Variants in PDE11A observed in about 807,000 individuals in gnomAD.
The protein encoded by PDE11A is dual 3',5'-cyclic-AMP and -GMP phosphodiesterase 11A.
A neutral mutation model predicts 100.5 loss-of-function variants in PDE11A; 100 were observed. The ratio of observed to expected loss-of-function variants is 1.00; its 90% confidence interval spans 0.85 to 1.18. The LOEUF (loss-of-function observed/expected upper bound fraction) is 1.18, where lower values mean the gene tolerates loss of function less well. PDE11A is among the 50% of genes most tolerant of loss of function. The probability of loss-of-function intolerance (pLI) is 0.00; values close to 1 mark genes in which losing one functional copy is unlikely to be tolerated. For missense variants in PDE11A, 1,141 were observed against 1,152.6 expected (o/e 0.99, Z 0.15); for synonymous variants, 381 against 420.8 (o/e 0.91, Z 1.16).
intron 2 of PDE11A, among the ~76,000 whole-genome samples, chr2:177,954,489 G>T (rs1480248726): frequency 6.6e-6 from 1 of 152,172 alleles, no homozygotes; most frequent in Non-Finnish European, 1.5e-5. Context: ...AATAGTTCTT[G>T]AAGTCAGTTC....
chr2:177,981,191 C>A (rs979934024), intron 2 of PDE11A, among the ~76,000 whole-genome samples: 1 of 150,528 alleles, frequency 6.6e-6, no homozygotes, highest in African/African-American at 2.4e-5. Context: ...GTAAATAAGA[C>A]AATTTTTGTC....
intron 19 of PDE11A, among the ~76,000 whole-genome samples, chr2:177,641,646 G>A (rs1300608794): frequency 1.3e-5 from 2 of 152,142 alleles, no homozygotes; most frequent in East Asian, 1.9e-4. Flanking sequence ...TTAAGATAAT[G>A]TATTAACTAC....
chr2:177,737,580 G>A lies in PDE11A; in HGVS notation c.1789-9408C>T, dbSNP rs138473174. ...CACGCCACTGCACTCCAGCCTGGGC[G>A]ACTCTGTCTCAAAAAAAAAAAGCCA... On this transcript the variant is annotated intron_variant, in intron 10 of 19. Coordinates refer to ENST00000286063, the MANE Select transcript of PDE11A (RefSeq NM_016953.4). Among the ~76,000 whole-genome samples the A allele has an allele frequency of 8.8e-3, 906 of 102,688 alleles. 10 individuals are homozygous for A. Among genetic ancestry groups the A allele is most frequent in the Middle Eastern group, 0.027 (6 of 224 alleles). 67.4% of individuals were successfully genotyped at this position (102,688 alleles called of 152,430 possible). A position where few individuals can be genotyped will look rare whatever the true frequency, so the allele number is the denominator to read the frequency against.
chr2:177,927,628 T>C (rs779159127), intron 2 of PDE11A, among the ~76,000 whole-genome samples: 3 of 152,192 alleles, frequency 2.0e-5, no homozygotes, highest in African/African-American at 4.8e-5. Flanking sequence ...TATCAAATCA[T>C]TGGTAAAATG....
chr2:177,663,623 T>TAAAATATTAGTATCCCTGGTTTACAGAC (rs2080519590), intron 19 of PDE11A, among the ~76,000 whole-genome samples: 1 of 151,336 alleles, frequency 6.6e-6, no homozygotes, highest in Non-Finnish European at 1.5e-5. Context: ...GGTTTACAGA[T>TAAAATATTAGTATCCCTGGTTTACAGAC]GAGGGAGTAG....
chr2:177,908,337 T>G (rs954452155), intron 2 of PDE11A, among the ~76,000 whole-genome samples: 4 of 152,102 alleles, frequency 2.6e-5, no homozygotes, highest in African/African-American at 9.7e-5. Context: ...AGGGGGCAAT[T>G]TGTCTAGCAG....
chr2:177,762,017 C>T (rs1392400933), intron 10 of PDE11A, among the ~76,000 whole-genome samples: 5 of 151,914 alleles, frequency 3.3e-5, no homozygotes, highest in African/African-American at 4.8e-5. Flanking sequence ...CAGCAGGAGG[C>T]GGGAACCCAG....
At chr2:178,026,789 C>A (rs1004768232) in intron 1 of PDE11A, among the ~76,000 whole-genome samples, 3 of 151,752 alleles carry the variant, frequency 2.0e-5, no homozygotes, top group Non-Finnish European at 2.9e-5. Flanking sequence ...TTTAGTTAAT[C>A]AAAAGAGTAT....
intron 16 of PDE11A, among the ~76,000 whole-genome samples, chr2:177,676,739 G>A (rs879438347): frequency 2.0e-5 from 3 of 152,158 alleles, no homozygotes; most frequent in Non-Finnish European, 2.9e-5. Flanking sequence ...TCTGTATCAG[G>A]CATTTCTACA....
intron 1 of PDE11A, among the ~76,000 whole-genome samples, chr2:178,031,536 A>T (rs1031277804): frequency 2.6e-5 from 4 of 152,148 alleles, no homozygotes; most frequent in African/African-American, 9.7e-5. Context: ...TAAAAATATA[A>T]TTTTTTAAAT....
At chr2:177,790,590 G>C (rs994126776) in intron 9 of PDE11A, among the ~76,000 whole-genome samples, 1 of 152,164 alleles carries the variant, frequency 6.6e-6, no homozygotes, top group Non-Finnish European at 1.5e-5. Flanking sequence ...ACTACTATCA[G>C]AATGAACAGG....
rs562973869 is a variant in PDE11A, at chr2:177,920,558, A to G, written c.1072-15371T>C. On this transcript the variant is annotated intron_variant, in intron 2 of 19. Transcript: ENST00000286063. ...ATAATATGGGAAAACAAGCATTCTC[A>G]TATAATTATTGAGGGAGATTCATTG... Among the ~76,000 whole-genome samples, 11 of 152,286 alleles carry G rather than the reference A, an allele frequency of 7.2e-5. No homozygotes were observed. In the South Asian group the frequency reaches 1.7e-3, roughly 23 times the overall value.
chr2:177,863,714 A>G (rs1207036077), intron 5 of PDE11A, among the ~76,000 whole-genome samples: 1 of 100,860 alleles, frequency 9.9e-6, no homozygotes, highest in Non-Finnish European at 2.4e-5. Flanking sequence ...GGTTGTGGAG[A>G]AAAGAGAACT....
chr2:177,635,979 TC>T (rs1260558571), intron 19 of PDE11A, among the ~76,000 whole-genome samples: 11 of 152,140 alleles, frequency 7.2e-5, no homozygotes, highest in Middle Eastern at 3.4e-3. Context: ...GTAATGGATA[TC>T]CCTGTACATA....
intron 2 of PDE11A, among the ~76,000 whole-genome samples, chr2:177,952,127 C>T (rs994709650): frequency 6.6e-6 from 1 of 152,176 alleles, no homozygotes; most frequent in Non-Finnish European, 1.5e-5. Flanking sequence ...AAATGTCTTG[C>T]CATTACATGA....
chr2:178,077,265 T>C (rs866937470), upstream of PDE11A, among the ~76,000 whole-genome samples: 817 of 89,664 alleles, frequency 9.1e-3, 2 homozygotes, highest in East Asian at 0.015. Context: ...TCTTTCTTTT[T>C]TTTTTTTTTT....
intron 2 of PDE11A, among the ~76,000 whole-genome samples, chr2:178,101,864 G>A (rs905537658): frequency 3.9e-5 from 6 of 152,044 alleles, no homozygotes; most frequent in African/African-American, 1.4e-4. Context: ...TTTAAAAGAT[G>A]ATAAAATACT....
At chr2:177,894,565 GCCT>G (rs1302580561) in intron 4 of PDE11A, among the ~76,000 whole-genome samples, 3 of 152,080 alleles carry the variant, frequency 2.0e-5, no homozygotes, top group East Asian at 3.8e-4. Flanking sequence ...AAGTCGAATA[GCCT>G]CCTCATTATT....
chr2:177,768,574 AT>A (rs1456245872), intron 10 of PDE11A, among the ~76,000 whole-genome samples: 1 of 152,204 alleles, frequency 6.6e-6, no homozygotes, highest in Non-Finnish European at 1.5e-5. Flanking sequence ...TGTTTTGCTC[AT>A]TGCTAAAACT....
Sources: allele counts gnomAD v4.1 joint callset (sites outside exome capture counted in the v4.1 genomes callset), GRCh38; gene constraint gnomAD v4.1.1; transcripts MANE v1.5; gene names NCBI Gene and HGNC (gene_info 2026-07-23, HGNC 2026-07-21).